Variants in SNTB2 observed in about 807,000 individuals in gnomAD.
The protein encoded by SNTB2 is syntrophin beta 2.
Under a neutral mutation model 46.2 loss-of-function variants are expected in SNTB2, and 34 were observed. That is an observed-to-expected ratio of 0.74 (90% CI 0.56 to 0.98). SNTB2 has a LOEUF of 0.98. Ranked by LOEUF, SNTB2 falls within the 50% of genes least tolerant of loss-of-function variation. SNTB2 has a pLI of 0.00. For missense variants in SNTB2, 603 were observed against 731.4 expected (o/e 0.82, Z 2.02); for synonymous variants, 290 against 312.6 (o/e 0.93, Z 0.76).
At chr16:69,262,654 T>G (rs1026715905) in intron 3 of SNTB2, among the ~76,000 whole-genome samples, 5 of 152,054 alleles carry the variant, frequency 3.3e-5, no homozygotes, top group Admixed American at 6.6e-5. Context: ...CATTTAAAAT[T>G]TTTTATTTTA....
chr16:69,291,555 A>G (rs1301933811), intron 5 of SNTB2, among the ~76,000 whole-genome samples: 1 of 152,054 alleles, frequency 6.6e-6, no homozygotes, highest in African/African-American at 2.4e-5. Context: ...TCTATTTAAA[A>G]AAAATGAGCT....
intron 2 of SNTB2, among the ~76,000 whole-genome samples, chr16:69,253,518 G>A (rs577763452): frequency 5.9e-5 from 9 of 151,934 alleles, no homozygotes; most frequent in South Asian, 2.1e-4. Flanking sequence ...GCGTGGTGGC[G>A]GGCGCCTGTA....
chr16:69,270,757 A>T (rs1964929714), intron 4 of SNTB2, among the ~76,000 whole-genome samples: 1 of 152,252 alleles, frequency 6.6e-6, no homozygotes, highest in Non-Finnish European at 1.5e-5. Context: ...TCTATGAAAT[A>T]AACATTGATT....
intron 1 of SNTB2, among the ~76,000 whole-genome samples, chr16:69,232,590 C>T (rs976434547): frequency 5.8e-5 from 8 of 137,402 alleles, no homozygotes; most frequent in African/African-American, 1.9e-4. Flanking sequence ...TGGCTCGTTG[C>T]AACCTCTGCC....
chr16:69,212,120 A>G (rs1442869238), intron 1 of SNTB2, among the ~76,000 whole-genome samples: 1 of 152,110 alleles, frequency 6.6e-6, no homozygotes, highest in African/African-American at 2.4e-5. Flanking sequence ...TTTCCTAGCT[A>G]CTTTCATTTG....
rs1293815553 is a variant in SNTB2, at chr16:69,270,216, A to G, written c.1079A>G (p.Tyr360Cys). The change falls in exon 4 of 7, where the codon TAT (tyrosine) becomes TGT (cysteine). Residue 360 changes from tyrosine to cysteine, a missense_variant. Physicochemically the swap from Tyr to Cys is radical, Grantham distance 194. Transcript: ENST00000336278. ...MAVTEKDLLLYDCMPWTRDAW... is the reference protein window; with the variant it reads ...MAVTEKDLLLCDCMPWTRDAW... Reference sequence around the variant, plus strand: ...GTGACTGAGAAGGATTTGCTGCTCTATGACTGTATGCCGTGGACAAGAGAT... The same window carrying G: ...GTGACTGAGAAGGATTTGCTGCTCTGTGACTGTATGCCGTGGACAAGAGAT... The G allele has an allele frequency of 1.2e-6, 2 of 1,614,150 alleles. No homozygotes were observed. The highest frequency in any genetic ancestry group is 1.7e-6 in the Non-Finnish European group (2 of 1,180,024).
intron 1 of SNTB2, among the ~76,000 whole-genome samples, chr16:69,216,640 GCAC>G (rs1165661700): frequency 2.0e-5 from 3 of 151,664 alleles, no homozygotes. Flanking sequence ...AGCTGTGATT[GCAC>G]CATTGTACTC....
intron 2 of SNTB2, among the ~76,000 whole-genome samples, chr16:69,250,091 T>A (rs993088712): frequency 2.6e-5 from 4 of 152,270 alleles, no homozygotes; most frequent in East Asian, 3.9e-4. Flanking sequence ...AAAAAAATTT[T>A]TAAAAATAAA....
chr16:69,278,229 T>G (rs953115489), intron 4 of SNTB2, among the ~76,000 whole-genome samples: 1 of 151,992 alleles, frequency 6.6e-6, no homozygotes. Context: ...GATGGGAGGA[T>G]TGTTTGAGCT....
At chr16:69,227,790 G>T (rs950653185) in intron 1 of SNTB2, among the ~76,000 whole-genome samples, 1 of 150,648 alleles carries the variant, frequency 6.6e-6, no homozygotes, top group African/African-American at 2.4e-5. Context: ...TATAAAAATT[G>T]GTCCTTTCCT....
intron 1 of SNTB2, among the ~76,000 whole-genome samples, chr16:69,193,318 CTTTTTTTTTTTTTT>C (rs57663863): frequency 2.3e-4 from 16 of 70,194 alleles, no homozygotes; most frequent in Non-Finnish European, 3.5e-4. Context: ...ATGGTATAGA[CTTTTTTTTTTTTTT>C]TTTTTTTTTT....
At chr16:69,187,862 A>C in intron 1 of SNTB2, 116 bp downstream of exon 1, 3 of 862,668 alleles carry the variant, frequency 3.5e-6, no homozygotes, top group Non-Finnish European at 4.9e-6. Context: ...CTCTCTCCAA[A>C]CCCGGGTTTC....
intron 4 of SNTB2, among the ~76,000 whole-genome samples, chr16:69,277,095 ACAT>A (rs977376361): frequency 6.6e-6 from 1 of 152,230 alleles, no homozygotes; most frequent in African/African-American, 2.4e-5. Flanking sequence ...TTTCATGTAA[ACAT>A]CATTTTTTAT....
chr16:69,247,871 C>T (rs1018792472), intron 2 of SNTB2, among the ~76,000 whole-genome samples: 2 of 152,152 alleles, frequency 1.3e-5, no homozygotes, highest in African/African-American at 4.8e-5. Flanking sequence ...AATCCTAGCA[C>T]TTTGGGAGGC....
intron 5 of SNTB2, among the ~76,000 whole-genome samples, chr16:69,296,387 T>G (rs1383140814): frequency 6.6e-6 from 1 of 151,948 alleles, no homozygotes; most frequent in Non-Finnish European, 1.5e-5. Flanking sequence ...TGCTTTCCAT[T>G]CTTTCCTTCT....
chr16:69,288,105 G>A (rs560043584), intron 5 of SNTB2, among the ~76,000 whole-genome samples: 14 of 152,248 alleles, frequency 9.2e-5, no homozygotes, highest in Non-Finnish European at 1.9e-4. Context: ...GGGATGCTCT[G>A]TGTTCCTGTG....
chr16:69,221,224 A>G (rs1964400853), intron 1 of SNTB2, among the ~76,000 whole-genome samples: 1 of 152,332 alleles, frequency 6.6e-6, no homozygotes, highest in Non-Finnish European at 1.5e-5. Flanking sequence ...TACATACTCC[A>G]TTGCATTTAG....
At chr16:69,297,822 A>T (rs1374881200) in intron 5 of SNTB2, among the ~76,000 whole-genome samples, 2 of 150,888 alleles carry the variant, frequency 1.3e-5, no homozygotes, top group Non-Finnish European at 3.0e-5. Context: ...GCTGAGGCAG[A>T]AGAATTGCTT....
At chr16:69,207,869 A>G (rs887596875) in intron 1 of SNTB2, among the ~76,000 whole-genome samples, 20 of 152,056 alleles carry the variant, frequency 1.3e-4, no homozygotes, top group African/African-American at 3.9e-4. Context: ...GCACTTTGGG[A>G]GGCTGAGGCA....
Sources: allele counts gnomAD v4.1 joint callset (sites outside exome capture counted in the v4.1 genomes callset), GRCh38; gene constraint gnomAD v4.1.1; transcripts MANE v1.5; gene names NCBI Gene and HGNC (gene_info 2026-07-23, HGNC 2026-07-21).